ADAMTS6: variants seen among roughly 807,000 people sequenced by gnomAD.
ADAMTS6 encodes the protein ADAM metallopeptidase with thrombospondin type 1 motif 6, also known as A disintegrin and metalloproteinase with thrombospondin motifs 6.
Under a neutral mutation model 144.3 loss-of-function variants are expected in ADAMTS6, and 23 were observed. The observed-to-expected ratio is 0.16, with a 90% confidence interval of 0.11 to 0.23. The LOEUF (loss-of-function observed/expected upper bound fraction) is 0.23. Among genes scored for constraint, ADAMTS6 ranks in the 10% least tolerant of loss-of-function variants. ADAMTS6 has a pLI of 1.00. For synonymous variants in ADAMTS6, 444 were observed against 457.5 expected (o/e 0.97, Z 0.38); for missense variants, 999 against 1,379.6 (o/e 0.72, Z 4.37).
chr5:65,298,741 C>T (rs889852348), intron 10 of ADAMTS6, among the ~76,000 whole-genome samples: 1 of 152,038 alleles, frequency 6.6e-6, no homozygotes, highest in Non-Finnish European at 1.5e-5. Flanking sequence ...ATTCCTTCAA[C>T]TTTATTATTA....
In ADAMTS6 at chr5:65,326,103, T is replaced by A. The variant is rs565279441; in HGVS notation, c.1223+3275A>T. On this transcript the variant is annotated intron_variant, in intron 9 of 24. Transcript: ENST00000381055. ...TCAATATGCATTCATAACCAAAAAA[T>A]GAGTATTTTTAAGACCCCTTGTTAA... Among the ~76,000 whole-genome samples the A allele has an allele frequency of 2.0e-5, 3 of 152,204 alleles. No individual in the cohort carries two copies. The East Asian group carries it at 5.8e-4, about 29-fold the overall frequency.
chr5:65,270,778 C>A (rs962351723), intron 12 of ADAMTS6, among the ~76,000 whole-genome samples: 1 of 152,018 alleles, frequency 6.6e-6, no homozygotes, highest in Non-Finnish European at 1.5e-5. Flanking sequence ...ATAAATGACC[C>A]CTTGACATAT....
At chr5:65,154,448 G>T (rs927616380) in intron 24 of ADAMTS6, among the ~76,000 whole-genome samples, 4 of 152,250 alleles carry the variant, frequency 2.6e-5, no homozygotes, top group African/African-American at 9.6e-5. Context: ...CAGGAAGTCC[G>T]TAGGTTCTGG....
At chr5:65,324,336 C>T (rs55672171) in intron 9 of ADAMTS6, among the ~76,000 whole-genome samples, 41,528 of 151,898 alleles carry the variant, frequency 0.27, 6,541 homozygotes, top group South Asian at 0.39. Context: ...AAGTATAAAT[C>T]TTCTCCAGGA....
chr5:65,309,304 C>T (rs1744246148), intron 9 of ADAMTS6, among the ~76,000 whole-genome samples: 1 of 152,006 alleles, frequency 6.6e-6, no homozygotes, highest in Admixed American at 6.6e-5. Context: ...TGATGGGAGA[C>T]AGTGACAGAT....
intron 7 of ADAMTS6, among the ~76,000 whole-genome samples, chr5:65,354,867 G>A (rs1749180481): frequency 6.6e-6 from 1 of 151,646 alleles, no homozygotes; most frequent in Non-Finnish European, 1.5e-5. Context: ...GGTTTTCCTT[G>A]GAGGTCGCCA....
At chr5:65,216,849 A>G (rs1242052914) in intron 18 of ADAMTS6, among the ~76,000 whole-genome samples, 1 of 151,936 alleles carries the variant, frequency 6.6e-6, no homozygotes, top group Non-Finnish European at 1.5e-5. Context: ...TATTTTTAGT[A>G]CTACCGTACA....
At chr5:65,465,864 T>C (rs1346729362) in intron 3 of ADAMTS6, among the ~76,000 whole-genome samples, 1 of 152,214 alleles carries the variant, frequency 6.6e-6, no homozygotes, top group Admixed American at 6.5e-5. Context: ...AAGGGCTCAG[T>C]CCTTAGACCT....
At chr5:65,213,352 C>T (rs1439036338) in intron 20 of ADAMTS6, among the ~76,000 whole-genome samples, 1 of 152,004 alleles carries the variant, frequency 6.6e-6, no homozygotes, top group African/African-American at 2.4e-5. Flanking sequence ...ACTAAAAATA[C>T]TGAATTAGGC....
chr5:65,300,251 C>T (rs111661706), intron 9 of ADAMTS6, 120 bp from the exon 10 acceptor site: 13 of 837,910 alleles, frequency 1.6e-5, no homozygotes, highest in African/African-American at 1.5e-4. Context: ...TCAGGATAGG[C>T]CAGATCCTCT....
chr5:65,305,861 G>C (rs930205480), intron 9 of ADAMTS6, among the ~76,000 whole-genome samples: 16 of 152,106 alleles, frequency 1.1e-4, no homozygotes, highest in African/African-American at 3.6e-4. Flanking sequence ...TATTGGGAGA[G>C]ACAGTCGTCC....
At chr5:65,236,555 G>A (rs566453821) in intron 15 of ADAMTS6, among the ~76,000 whole-genome samples, 2 of 152,232 alleles carry the variant, frequency 1.3e-5, no homozygotes, top group South Asian at 4.1e-4. Context: ...CCAAAGTGCT[G>A]AGATTACAGG....
At chr5:65,380,286 T>A (rs549405107) in intron 7 of ADAMTS6, among the ~76,000 whole-genome samples, 1 of 151,940 alleles carries the variant, frequency 6.6e-6, no homozygotes, top group East Asian at 1.9e-4. Context: ...AAAAATATAC[T>A]GGGGGCCGGG....
intron 7 of ADAMTS6, among the ~76,000 whole-genome samples, chr5:65,361,190 A>C (rs531351655): frequency 6.6e-6 from 1 of 152,326 alleles, no homozygotes; most frequent in East Asian, 1.9e-4. Context: ...AAATTTTAGT[A>C]AGATCAAAAT....
intron 7 of ADAMTS6, among the ~76,000 whole-genome samples, chr5:65,348,679 G>T (rs1307886142): frequency 6.6e-6 from 1 of 151,530 alleles, no homozygotes; most frequent in Non-Finnish European, 1.5e-5. Context: ...AAGTATGTGG[G>T]GTGATAATTA....
At chr5:65,402,969 T>C (rs1421435746) in intron 7 of ADAMTS6, among the ~76,000 whole-genome samples, 1 of 151,040 alleles carries the variant, frequency 6.6e-6, no homozygotes, top group African/African-American at 2.4e-5. Flanking sequence ...CTTTTCTTCC[T>C]TTTTTTTTCA....
chr5:65,315,726 A>C (rs886218607), intron 9 of ADAMTS6, among the ~76,000 whole-genome samples: 1 of 143,840 alleles, frequency 7.0e-6, no homozygotes, highest in East Asian at 1.9e-4. Flanking sequence ...AGCACGCTTC[A>C]GATAAAGGAA....
At chr5:65,273,168 A>G (rs2112656085) in intron 12 of ADAMTS6, among the ~76,000 whole-genome samples, 172 bp downstream of exon 12, 1 of 152,354 alleles carries the variant, frequency 6.6e-6, no homozygotes, top group South Asian at 2.1e-4. Flanking sequence ...TTTCCTAAAT[A>G]ATGCATATTT....
intron 7 of ADAMTS6, among the ~76,000 whole-genome samples, chr5:65,405,192 TAGG>T (rs1031378869): frequency 2.0e-5 from 3 of 152,238 alleles, no homozygotes; most frequent in African/African-American, 7.2e-5. Flanking sequence ...GCCATTGCTT[TAGG>T]TGTTTTAGAC....
Sources: gnomAD v4.1 joint callset for allele counts (sites outside exome capture counted in the v4.1 genomes callset) on GRCh38, gnomAD v4.1.1 for gene constraint, MANE v1.5 for transcripts, NCBI Gene and HGNC (gene_info 2026-07-23, HGNC 2026-07-21) for gene names.